ICMT: variants seen among roughly 807,000 people sequenced by gnomAD.
The protein encoded by ICMT is protein-S-isoprenylcysteine O-methyltransferase.
In ICMT, 10 loss-of-function variants were observed where a neutral mutation model predicts 32.2. The ratio of observed to expected loss-of-function variants is 0.31; its 90% CI spans 0.19 to 0.53. The LOEUF (loss-of-function observed/expected upper bound fraction) is 0.53. Ranked by LOEUF, ICMT falls within the 20% of genes least tolerant of loss-of-function variation. ICMT has a pLI of 0.96. For synonymous variants in ICMT, 183 were observed against 158.2 expected (o/e 1.16, Z -1.18); for missense variants, 265 against 356.9 (o/e 0.74, Z 2.07).
At position 6,221,913 on chromosome 1, in the gene ICMT, A is replaced by T. The variant is rs182857230; in HGVS notation, c.*3167T>A. The T allele has an allele frequency of 5.9e-5, 9 of 152,218 alleles. No individual in the cohort carries two copies. The highest frequency in any genetic ancestry group is 1.9e-4 in the African/African-American group (8 of 41,460). The allele number at this position is 152,218 out of a possible 1,614,324, so 9.4% of individuals were successfully genotyped here. A position where few individuals can be genotyped will look rare whatever the true frequency, so the allele number is the denominator to read the frequency against. On this transcript the variant is annotated 3_prime_UTR_variant, in exon 5 of 5. Transcript: ENST00000343813. ...ACCTATTTTCCACTTCAGAATCTCC[A>T]CTTTAAAACCTGCAATGGAAAAATA...
At chr1:6,231,631 T>C (rs1342651302) in intron 4 of ICMT, among the ~76,000 whole-genome samples, 1 of 151,364 alleles carries the variant, frequency 6.6e-6, no homozygotes, top group African/African-American at 2.4e-5. Context: ...GCACCAAGAA[T>C]CACCAAGGAC....
chr1:6,233,459 A>G lies in ICMT; in HGVS notation c.454+15T>C, dbSNP rs1331511167. On this transcript the variant is annotated intron_variant, in intron 3 of 4. Coordinates refer to ENST00000343813, the MANE Select transcript of ICMT (RefSeq NM_012405.4). ...ACCCTTTTCCCCTCCAGAGGGGGAC[A>G]TAAGGCACACGAACCTGGCCAAAAG... 6 of 1,610,638 alleles carry G rather than the reference A, an allele frequency of 3.7e-6. No homozygotes were observed. Among genetic ancestry groups the G allele is most frequent in the Non-Finnish European group, 5.1e-6 (6 of 1,178,238 alleles).
At chr1:6,229,864 T>C (rs1668706169) in intron 4 of ICMT, among the ~76,000 whole-genome samples, 1 of 150,784 alleles carries the variant, frequency 6.6e-6, no homozygotes. Context: ...ATCCTTACAC[T>C]TCTTTTTCTT....
In ICMT at chr1:6,223,281, G is replaced by C. The variant is rs1668588595; in HGVS notation, c.*1799C>G. 6.6e-6 allele frequency: 1 copy of C among 152,110 alleles called. No individual in the cohort carries two copies. Among genetic ancestry groups the C allele is most frequent in the Non-Finnish European group, 1.5e-5 (1 of 68,050 alleles). The allele number at this position is 152,110 out of a possible 1,614,324, so 9.4% of individuals were successfully genotyped here. ...CGCCAGCACGCCCAGCTATTTTTTT[G>C]TATTTTTAGTAGAGACGGGGTTTTA... On this transcript the variant is annotated 3_prime_UTR_variant, in exon 5 of 5. Transcript: ENST00000343813.
chr1:6,235,587 C>A, intron 1 of ICMT, 130 bp downstream of exon 1: 5 of 535,810 alleles, frequency 9.3e-6, no homozygotes, highest in Non-Finnish European at 1.3e-5. Flanking sequence ...CCTCCTGCGA[C>A]CTGAACTCGC....
intron 1 of ICMT, among the ~76,000 whole-genome samples, chr1:6,235,230 A>C (rs1571228229): frequency 6.6e-6 from 1 of 152,192 alleles, no homozygotes; most frequent in Non-Finnish European, 1.5e-5. Context: ...ACCTTTTAGG[A>C]CTGCAGTAAG....
At chr1:6,227,157 A>T in intron 4 of ICMT, among the ~76,000 whole-genome samples, 1 of 152,266 alleles carries the variant, frequency 6.6e-6, no homozygotes, top group East Asian at 1.9e-4. Context: ...TCATACACAC[A>T]CAAGTGCTGG....
chr1:6,225,743 C>T (rs952410807), intron 4 of ICMT, among the ~76,000 whole-genome samples: 12 of 152,102 alleles, frequency 7.9e-5, no homozygotes, highest in African/African-American at 1.9e-4. Flanking sequence ...ATTACCTCCA[C>T]GCTCAGAGAG....
rs770694712 is a variant in ICMT at position 6,224,442 on chromosome 1, C to T, written c.*638G>A. 2 of 152,224 alleles carry T rather than the reference C, an allele frequency of 1.3e-5. No individual in the cohort carries two copies. The highest frequency in any genetic ancestry group is 2.9e-5 in the Non-Finnish European group (2 of 68,052). 9.4% of individuals were successfully genotyped at this position (152,224 alleles called of 1,614,324 possible). A position where few individuals can be genotyped will look rare whatever the true frequency, so the allele number is the denominator to read the frequency against. ...TACTTGCTGCAGGATAAAAGTTGAA[C>T]TAGAACACCAAGCATTGAGCTAGGA... On this transcript the variant is annotated 3_prime_UTR_variant, in exon 5 of 5. Transcript: ENST00000343813.
In ICMT at chr1:6,224,921, C is replaced by A. The variant is rs1015568020; in HGVS notation, c.*159G>T. On this transcript the variant is annotated 3_prime_UTR_variant, in exon 5 of 5. Transcript: ENST00000343813. ...GACTGCTCCAGTGGGGCCTTGGGTC[C>A]TCAGGCCTTCTGACCGCTTGGTCTT... 5.0e-5 allele frequency: 36 copies of A among 713,606 alleles called. 1 individual carries two copies. In the African/African-American group the frequency reaches 5.9e-4, roughly 12 times the overall value. 44.2% of individuals were successfully genotyped at this position (713,606 alleles called of 1,614,324 possible). A position where few individuals can be genotyped will look rare whatever the true frequency, so the allele number is the denominator to read the frequency against.
intron 4 of ICMT, among the ~76,000 whole-genome samples, chr1:6,230,613 G>C (rs1668719347): frequency 1.3e-5 from 2 of 149,640 alleles, no homozygotes; most frequent in South Asian, 2.1e-4. Flanking sequence ...AAAAAAGCTG[G>C]GCACGGTGGC....
Position 6,224,804 on chromosome 1 carries a change from CAG to C in ICMT, c.*274_*275del. On this transcript the variant is annotated 3_prime_UTR_variant, in exon 5 of 5. Transcript: ENST00000343813. The stretch of plus-strand genomic sequence containing the variant: ...AGTGGCGTGTGGCCTCGGTCCTCCC[CAG>C]GTAACTCTGGAGGGCGCTGTGGAAT... 7 of 383,196 alleles carry C rather than the reference CAG, an allele frequency of 1.8e-5. No homozygotes were observed. Among genetic ancestry groups the C allele is most frequent in the South Asian group, 9.1e-5 (2 of 21,976 alleles). The allele number at this position is 383,196 out of a possible 1,614,324, so 23.7% of individuals were successfully genotyped here. A position where few individuals can be genotyped will look rare whatever the true frequency, so the allele number is the denominator to read the frequency against.
At chr1:6,229,221 G>A (rs1400004101) in intron 4 of ICMT, among the ~76,000 whole-genome samples, 2 of 152,140 alleles carry the variant, frequency 1.3e-5, no homozygotes, top group African/African-American at 2.4e-5. Flanking sequence ...GCTCATGTCT[G>A]TAATCCCAAC....
intron 4 of ICMT, among the ~76,000 whole-genome samples, chr1:6,226,273 G>A (rs1668643972): frequency 6.6e-6 from 1 of 152,142 alleles, no homozygotes; most frequent in South Asian, 2.1e-4. Context: ...GTGGGAGCCT[G>A]TAATCCCAGC....
chr1:6,224,887 A>G lies in ICMT; in HGVS notation c.*193T>C, dbSNP rs887911942. On this transcript the variant is annotated 3_prime_UTR_variant, in exon 5 of 5. Transcript: ENST00000343813. The stretch of plus-strand genomic sequence containing the variant: ...CACCCATGTTCCGCCTTGATTCGGC[A>G]TAAGGACAGACTGCTCCAGTGGGGC... 1.6e-5 allele frequency: 10 copies of G among 611,442 alleles called. No individual in the cohort carries two copies. Among genetic ancestry groups the G allele is most frequent in the Admixed American group, 5.6e-5 (2 of 35,936 alleles). The allele number at this position is 611,442 out of a possible 1,614,324, so 37.9% of individuals were successfully genotyped here. A position where few individuals can be genotyped will look rare whatever the true frequency, so the allele number is the denominator to read the frequency against.
At position 6,229,591 on chromosome 1, in the gene ICMT, G is replaced by A. The variant is rs559195787; in HGVS notation, c.672+2311C>T. 8.6e-5 allele frequency among the ~76,000 whole-genome samples: 13 copies of A among 151,874 alleles called. No individual in the cohort carries two copies. The South Asian group carries it at 1.2e-3, about 15-fold the overall frequency. ...GGAGAATCACTCAAACCCGGGAGGC[G>A]GAGGTTGCAATGAGCCGAGATTGTG... On this transcript the variant is annotated intron_variant, in intron 4 of 4. Coordinates refer to ENST00000343813, the MANE Select transcript of ICMT (RefSeq NM_012405.4).
chr1:6,225,325 G>A, intron 4 of ICMT, 63 bp from the exon 5 acceptor site: 1 of 1,498,048 alleles, frequency 6.7e-7, no homozygotes, highest in Non-Finnish European at 9.1e-7. Flanking sequence ...TGCTTTGGTA[G>A]GCGTCTGTCT....
chr1:6,227,082 A>G (rs1342661140), intron 4 of ICMT, among the ~76,000 whole-genome samples: 1 of 152,262 alleles, frequency 6.6e-6, no homozygotes, highest in Non-Finnish European at 1.5e-5. Flanking sequence ...TTGAAATAAT[A>G]AGATAGAAAA....
At chr1:6,232,214 C>T (rs1387865121) in intron 3 of ICMT, 95 bp from the exon 4 acceptor site, 2 of 846,004 alleles carry the variant, frequency 2.4e-6, no homozygotes, top group Non-Finnish European at 3.6e-6. Flanking sequence ...TTCCCGAAGA[C>T]AGAAACAGAA....
Sources: allele counts gnomAD v4.1 joint callset (sites outside exome capture counted in the v4.1 genomes callset), GRCh38; gene constraint gnomAD v4.1.1; transcripts MANE v1.5; gene names NCBI Gene and HGNC (gene_info 2026-07-23, HGNC 2026-07-21).